Variants in SLC14A2 observed in about 807,000 individuals in gnomAD.
SLC14A2 encodes solute carrier family 14 member 2.
A neutral mutation model predicts 104.6 loss-of-function variants in SLC14A2; 91 were observed. The ratio of observed to expected loss-of-function variants is 0.87; its 90% CI spans 0.73 to 1.04. The LOEUF (loss-of-function observed/expected upper bound fraction) is 1.04, where lower values mean the gene tolerates loss of function less well. Among genes scored for constraint, SLC14A2 ranks in the 50% least tolerant of loss-of-function variants. The pLI, the probability that SLC14A2 is intolerant of heterozygous loss-of-function variation, is 0.00. For missense variants in SLC14A2, 1,189 were observed against 1,156.0 expected (o/e 1.03, Z -0.41); for synonymous variants, 476 against 466.4 (o/e 1.02, Z -0.27).
At chr18:45,554,537 C>A (rs1418304447) in intron 2 of SLC14A2, among the ~76,000 whole-genome samples, 2 of 152,038 alleles carry the variant, frequency 1.3e-5, no homozygotes, top group Admixed American at 6.6e-5. Flanking sequence ...GCAACGGGAG[C>A]AGCTGGAAGG....
chr18:45,484,667 A>G (rs1371813478), intron 2 of SLC14A2, among the ~76,000 whole-genome samples: 1 of 152,322 alleles, frequency 6.6e-6, no homozygotes, highest in Admixed American at 6.5e-5. Flanking sequence ...TGTGCCTGCC[A>G]GTGCTGGAAG....
intron 1 of SLC14A2, among the ~76,000 whole-genome samples, chr18:45,306,592 T>C (rs147102366): frequency 1.3e-5 from 2 of 152,340 alleles, no homozygotes; most frequent in African/African-American, 2.4e-5. Flanking sequence ...ATTTGATCTT[T>C]TCCCACCATT....
At chr18:45,475,543 G>T (rs1255625882) in intron 1 of SLC14A2, among the ~76,000 whole-genome samples, 2 of 147,710 alleles carry the variant, frequency 1.4e-5, no homozygotes, top group African/African-American at 5.0e-5. Flanking sequence ...GGGTGCTCCT[G>T]TATTGGGTGC....
intron 1 of SLC14A2, among the ~76,000 whole-genome samples, chr18:45,280,965 A>G (rs1002148000): frequency 1.3e-5 from 2 of 151,652 alleles, no homozygotes; most frequent in African/African-American, 4.8e-5. Flanking sequence ...AGGCTTGTCA[A>G]TCTGTCACCG....
chr18:45,561,225 A>T (rs1240830696), intron 2 of SLC14A2, among the ~76,000 whole-genome samples: 1 of 152,072 alleles, frequency 6.6e-6, no homozygotes, highest in Non-Finnish European at 1.5e-5. Flanking sequence ...TCTGGGTAGG[A>T]GGGTGAATGA....
intron 2 of SLC14A2, among the ~76,000 whole-genome samples, chr18:45,625,149 G>C (rs977570895): frequency 2.0e-5 from 3 of 152,150 alleles, no homozygotes; most frequent in African/African-American, 7.2e-5. Context: ...AGCATCCTCG[G>C]TGGTAGCACA....
At chr18:45,303,718 G>A (rs2084990103) in intron 1 of SLC14A2, among the ~76,000 whole-genome samples, 1 of 152,238 alleles carries the variant, frequency 6.6e-6, no homozygotes, top group South Asian at 2.1e-4. Context: ...TGATAGGCCA[G>A]TTGAACAGGT....
chr18:45,663,981 C>G, intron 11 of SLC14A2, 74 bp downstream of exon 11: 2 of 1,457,900 alleles, frequency 1.4e-6, no homozygotes, highest in East Asian at 2.5e-5. Flanking sequence ...AATGGCAATA[C>G]CTACTTCACA....
At chr18:45,412,899 C>T (rs1347807767) in intron 1 of SLC14A2, among the ~76,000 whole-genome samples, 2 of 152,144 alleles carry the variant, frequency 1.3e-5, no homozygotes, top group African/African-American at 4.8e-5. Context: ...CTGCTCATCT[C>T]CATGCAAGAA....
intron 1 of SLC14A2, among the ~76,000 whole-genome samples, chr18:45,256,035 T>C (rs981125532): frequency 6.6e-6 from 1 of 152,194 alleles, no homozygotes; most frequent in Admixed American, 6.5e-5. Context: ...CACCTGCCTT[T>C]GTCTCGCCCA....
chr18:45,273,829 G>A (rs1384944983), intron 1 of SLC14A2, among the ~76,000 whole-genome samples: 1 of 151,786 alleles, frequency 6.6e-6, no homozygotes, highest in Non-Finnish European at 1.5e-5. Context: ...CATCTGCAAG[G>A]CATTTTTTCT....
At chr18:45,240,426 C>T (rs974398630) in intron 1 of SLC14A2, among the ~76,000 whole-genome samples, 18 of 151,876 alleles carry the variant, frequency 1.2e-4, no homozygotes, top group African/African-American at 4.4e-4. Flanking sequence ...GATTTCCTTT[C>T]CTCTGGATAG....
At chr18:45,608,611 A>C (rs2044912842) in intron 2 of SLC14A2, among the ~76,000 whole-genome samples, 1 of 152,190 alleles carries the variant, frequency 6.6e-6, no homozygotes, top group African/African-American at 2.4e-5. Flanking sequence ...TGTCCAGACA[A>C]ATTCCATCTT....
chr18:45,284,610 A>G (rs1002213578), intron 1 of SLC14A2, among the ~76,000 whole-genome samples: 1 of 151,602 alleles, frequency 6.6e-6, no homozygotes, highest in African/African-American at 2.4e-5. Context: ...TTGCAGTCTC[A>G]CTCTCATCTC....
chr18:45,492,446 G>C lies in SLC14A2; in HGVS notation c.-35+9124G>C, dbSNP rs182866893. ...TGTACATGGCAGCAAGTGAGAGAGA[G>C]TGTGTGTAAGTGCAGGGAAAACTAC... On this transcript the variant is annotated intron_variant, in intron 2 of 20. Coordinates refer to the SLC14A2 transcript ENST00000586448. Among the ~76,000 whole-genome samples the C allele has an allele frequency of 6.4e-3, 972 of 151,814 alleles. 9 individuals carry two copies. The highest frequency in any genetic ancestry group is 8.6e-3 in the Non-Finnish European group (583 of 67,650).
chr18:45,242,591 T>C (rs562549674), intron 1 of SLC14A2, among the ~76,000 whole-genome samples: 2 of 152,332 alleles, frequency 1.3e-5, no homozygotes, highest in South Asian at 4.1e-4. Flanking sequence ...TGGGGCCCTG[T>C]GTCTTTCTTA....
intron 1 of SLC14A2, among the ~76,000 whole-genome samples, chr18:45,341,131 T>C (rs761601139): frequency 3.3e-5 from 5 of 151,360 alleles, no homozygotes; most frequent in Non-Finnish European, 7.3e-5. Flanking sequence ...ATTTTTTCAA[T>C]ATATAGCCTC....
chr18:45,182,677 A>G, the SLC14A2 span, among the ~76,000 whole-genome samples: 2 of 152,108 alleles, frequency 1.3e-5, no homozygotes, highest in South Asian at 4.1e-4. Context: ...AATAAATACA[A>G]AAATATATAA....
chr18:45,267,092 C>A (rs747511661), intron 1 of SLC14A2, among the ~76,000 whole-genome samples: 1 of 152,128 alleles, frequency 6.6e-6, no homozygotes, highest in Non-Finnish European at 1.5e-5. Flanking sequence ...TGTTTAGGAA[C>A]ATTTAGTGTT....
Sources: gnomAD v4.1 joint callset for allele counts (sites outside exome capture counted in the v4.1 genomes callset) on GRCh38, gnomAD v4.1.1 for gene constraint, MANE v1.5 for transcripts, NCBI Gene and HGNC (gene_info 2026-07-23, HGNC 2026-07-21) for gene names.